The following SPATA18 variants were observed in gnomAD, a reference collection of about 807,000 sequenced individuals.
SPATA18 encodes the protein mitochondria-eating protein.
A neutral mutation model predicts 68.1 loss-of-function variants in SPATA18; 54 were observed. The ratio of observed to expected loss-of-function variants is 0.79; its 90% CI spans 0.64 to 0.99. SPATA18 has a LOEUF of 0.99. Ranked by LOEUF, SPATA18 falls within the 50% of genes least tolerant of loss-of-function variation. The probability of loss-of-function intolerance (pLI) is 0.00; values close to 1 mark genes in which losing one functional copy is unlikely to be tolerated. For missense variants in SPATA18, 724 were observed against 681.1 expected (o/e 1.06, Z -0.70); for synonymous variants, 242 against 244.8 (o/e 0.99, Z 0.11).
chr4:52,075,248 T>C (rs1453255300), intron 6 of SPATA18, among the ~76,000 whole-genome samples: 9 of 152,040 alleles, frequency 5.9e-5, no homozygotes, highest in African/African-American at 2.2e-4. Flanking sequence ...ATTTCTGCAG[T>C]GATGACAGGC....
chr4:52,072,389 T>C (rs1280269698), intron 6 of SPATA18, among the ~76,000 whole-genome samples: 1 of 151,948 alleles, frequency 6.6e-6, no homozygotes, highest in Non-Finnish European at 1.5e-5. Context: ...CTGAGAGATA[T>C]GGAGAAGGAA....
In SPATA18 at chr4:52,078,859, A is replaced by C; in HGVS notation, c.1145A>C (p.His382Pro). ...ENAVLDYVIC[H>P]LDLYDSQSSV... Reference sequence around the variant, plus strand: ...GCTGTCTTGGATTATGTCATTTGTCATCTTGATCTATATGATTCTCAAAGC... The same window carrying C: ...GCTGTCTTGGATTATGTCATTTGTCCTCTTGATCTATATGATTCTCAAAGC... The change falls in exon 8 of 13, where the codon CAT becomes CCT. Residue 382 changes from histidine to proline, a missense_variant. Coordinates refer to ENST00000295213, the MANE Select transcript of SPATA18 (RefSeq NM_145263.4). The C allele has an allele frequency of 6.2e-7, 1 of 1,601,774 alleles. No homozygotes were observed. The highest frequency in any genetic ancestry group is 8.5e-7 in the Non-Finnish European group (1 of 1,169,850).
chr4:52,079,383 T>C (rs1448552108), intron 8 of SPATA18, among the ~76,000 whole-genome samples: 1 of 152,210 alleles, frequency 6.6e-6, no homozygotes, highest in South Asian at 2.1e-4. Flanking sequence ...AAAAGCAAAC[T>C]ATTAATAATG....
At chr4:52,054,472 G>A (rs1738160546) in intron 1 of SPATA18, among the ~76,000 whole-genome samples, 1 of 152,156 alleles carries the variant, frequency 6.6e-6, no homozygotes, top group African/African-American at 2.4e-5. Context: ...AATGATGAAT[G>A]GGTTGGCCAC....
intron 11 of SPATA18, among the ~76,000 whole-genome samples, chr4:52,090,509 G>A (rs564990043): frequency 1.3e-5 from 2 of 152,250 alleles, no homozygotes; most frequent in Admixed American, 6.5e-5. Flanking sequence ...TTGCTTGTCT[G>A]TAAAGGATTT....
At chr4:52,062,591 G>A (rs1294435960) in intron 4 of SPATA18, among the ~76,000 whole-genome samples, 1 of 151,966 alleles carries the variant, frequency 6.6e-6, no homozygotes, top group Non-Finnish European at 1.5e-5. Context: ...TCCTTCTTTG[G>A]AGTTCCTTCT....
At chr4:52,065,123 T>C (rs1485156902) in intron 4 of SPATA18, among the ~76,000 whole-genome samples, 3 of 152,216 alleles carry the variant, frequency 2.0e-5, no homozygotes, top group Non-Finnish European at 4.4e-5. Context: ...AATGGTTTTT[T>C]TTCTTGCTGA....
intron 11 of SPATA18, among the ~76,000 whole-genome samples, chr4:52,091,709 GCC>G (rs1291094089): frequency 6.6e-6 from 1 of 152,162 alleles, no homozygotes; most frequent in African/African-American, 2.4e-5. Flanking sequence ...GTGTCTGTTG[GCC>G]CCAGTTGGGA....
At chr4:52,062,476 G>A (rs1738957722) in intron 4 of SPATA18, 144 bp downstream of exon 4, 2 of 623,810 alleles carry the variant, frequency 3.2e-6, no homozygotes, top group Non-Finnish European at 5.7e-6. Flanking sequence ...CTGTGGGCAT[G>A]TGTGTATGAC....
chr4:52,072,535 TG>T (rs1251994168), intron 6 of SPATA18, among the ~76,000 whole-genome samples: 1 of 152,104 alleles, frequency 6.6e-6, no homozygotes, highest in South Asian at 2.1e-4. Flanking sequence ...CCCGACTAGC[TG>T]GGATTATAGG....
At chr4:52,094,379 T>C in intron 11 of SPATA18, 148 bp from the exon 12 acceptor site, 2 of 653,818 alleles carry the variant, frequency 3.1e-6, no homozygotes, top group Non-Finnish European at 5.3e-6. Flanking sequence ...AGAATCACAA[T>C]AGTCAACCTT....
At chr4:52,094,797 T>A (rs894319960) in intron 12 of SPATA18, 83 bp from the exon 13 acceptor site, 1 of 1,567,420 alleles carries the variant, frequency 6.4e-7, no homozygotes, top group Non-Finnish European at 8.8e-7. Flanking sequence ...AAACCTAGAT[T>A]AACCGCCTCT....
At chr4:52,062,979 A>G (rs1170914616) in intron 4 of SPATA18, among the ~76,000 whole-genome samples, 3 of 152,198 alleles carry the variant, frequency 2.0e-5, no homozygotes, top group African/African-American at 4.8e-5. Context: ...TAGCAAGCTT[A>G]GGGAATCACT....
At chr4:52,066,558 T>C (rs994231939) in intron 4 of SPATA18, among the ~76,000 whole-genome samples, 1 of 152,192 alleles carries the variant, frequency 6.6e-6, no homozygotes, top group Admixed American at 6.5e-5. Flanking sequence ...GTTTGTTATA[T>C]AGGTAAACGT....
Position 52,082,468 on chromosome 4 carries a change from T to C in SPATA18, c.1437T>C (p.Cys479=). 4.3e-6 allele frequency: 7 copies of C among 1,614,138 alleles called. No homozygotes were observed. Among genetic ancestry groups the C allele is most frequent in the South Asian group, 1.1e-5 (1 of 91,078 alleles). ...HVWPALMEND[C]VIMKGEAVTR... ...GGCCTGCTCTCATGGAGAATGACTGTGTCATTATGAAGGGAGAAGCTGTCA... is the reference window on the plus strand; with the variant it reads ...GGCCTGCTCTCATGGAGAATGACTGCGTCATTATGAAGGGAGAAGCTGTCA... The change falls in exon 10 of 13, where the codon TGT becomes TGC. Residue 479 remains cysteine, a synonymous_variant. Transcript: ENST00000295213.
chr4:52,080,380 A>T (rs1740816125), intron 9 of SPATA18, among the ~76,000 whole-genome samples: 1 of 152,226 alleles, frequency 6.6e-6, no homozygotes, highest in South Asian at 2.1e-4. Flanking sequence ...ACAAGCACCC[A>T]GGTGTTCCTT....
Position 52,070,527 on chromosome 4 carries a change from A to C in SPATA18, c.518+611A>C, listed in dbSNP as rs900991647. The stretch of plus-strand genomic sequence containing the variant: ...CTGAGGGGAACATCACACTCTGGGG[A>C]CTGTTGTGGGGTAGGGGGAGGGGGG... On this transcript the variant is annotated intron_variant, in intron 5 of 12. Coordinates refer to ENST00000295213, the MANE Select transcript of SPATA18 (RefSeq NM_145263.4). 2.4e-4 allele frequency among the ~76,000 whole-genome samples: 29 copies of C among 122,658 alleles called. No homozygotes were observed. The East Asian group carries it at 2.4e-3, about 10-fold the overall frequency. The allele number at this position is 122,658 out of a possible 152,430, so 80.5% of individuals were successfully genotyped here. A position where few individuals can be genotyped will look rare whatever the true frequency, so the allele number is the denominator to read the frequency against.
chr4:52,074,710 T>C (rs1316047393), intron 6 of SPATA18, among the ~76,000 whole-genome samples: 1 of 152,168 alleles, frequency 6.6e-6, no homozygotes, highest in Non-Finnish European at 1.5e-5. Flanking sequence ...AGGAGTACCA[T>C]TATAACAGGG....
At chr4:52,060,918 C>A in intron 3 of SPATA18, 21 bp downstream of exon 3, 5 of 1,585,642 alleles carry the variant, frequency 3.2e-6, no homozygotes, top group Non-Finnish European at 4.3e-6. Context: ...TGAAGGATAA[C>A]CCTTGACTTT....
Sources: allele counts gnomAD v4.1 joint callset (sites outside exome capture counted in the v4.1 genomes callset), GRCh38; gene constraint gnomAD v4.1.1; transcripts MANE v1.5; gene names NCBI Gene and HGNC (gene_info 2026-07-23, HGNC 2026-07-21).